EYS: variants seen among roughly 807,000 people sequenced by gnomAD.
EYS encodes the protein EGF-like photoreceptor maintenance factor.
In EYS, 250 loss-of-function variants were observed where a neutral mutation model predicts 282.1. That is an observed-to-expected ratio of 0.89 (90% CI 0.80 to 0.98). EYS has a LOEUF of 0.98. Ranked by LOEUF, EYS falls within the 50% of genes least tolerant of loss-of-function variation. The pLI is 0.00. For missense variants in EYS, 4,016 were observed against 3,709.0 expected, an observed-to-expected ratio of 1.08 and a Z score of -2.15; for synonymous variants, 1,355 against 1,282.9, an observed-to-expected ratio of 1.06 and a Z score of -1.20.
chr6:65,333,519 G>T (rs1419292584), intron 11 of EYS, among the ~76,000 whole-genome samples: 1 of 151,536 alleles, frequency 6.6e-6, no homozygotes. Flanking sequence ...CTGTTGTTGG[G>T]TAATGTGTTT....
At chr6:65,562,127 T>A (rs898479791) in intron 2 of EYS, among the ~76,000 whole-genome samples, 2 of 151,828 alleles carry the variant, frequency 1.3e-5, no homozygotes, top group Middle Eastern at 3.2e-3. Context: ...CAAGAAAAAA[T>A]TAGCCTACTA....
chr6:64,636,773 G>A (rs1767996132), intron 22 of EYS, among the ~76,000 whole-genome samples: 1 of 150,086 alleles, frequency 6.7e-6, no homozygotes, highest in Non-Finnish European at 1.5e-5. Flanking sequence ...TCAAAAAGTG[G>A]GCAAAGGATA....
At chr6:65,627,970 G>C (rs796272893) in intron 2 of EYS, among the ~76,000 whole-genome samples, 7 of 152,238 alleles carry the variant, frequency 4.6e-5, no homozygotes, top group South Asian at 2.1e-4. Context: ...CTGCAGCCCC[G>C]GTGCGGGATC....
At chr6:64,311,552 A>G (rs1769703115) in intron 29 of EYS, among the ~76,000 whole-genome samples, 1 of 152,226 alleles carries the variant, frequency 6.6e-6, no homozygotes, top group African/African-American at 2.4e-5. Flanking sequence ...CTAAGCATTA[A>G]TAATAAAAAC....
intron 11 of EYS, among the ~76,000 whole-genome samples, chr6:65,299,711 C>T (rs1232899570): frequency 6.6e-6 from 1 of 151,184 alleles, no homozygotes; most frequent in African/African-American, 2.4e-5. Flanking sequence ...CTCATCCTGC[C>T]ACCTATATAA....
intron 2 of EYS, among the ~76,000 whole-genome samples, chr6:65,538,269 A>C (rs1449549865): frequency 6.6e-6 from 1 of 152,180 alleles, no homozygotes; most frequent in Non-Finnish European, 1.5e-5. Context: ...GGAAATAATA[A>C]AGAATAATAA....
At chr6:64,154,828 G>T (rs554073142) in intron 31 of EYS, among the ~76,000 whole-genome samples, 9 of 152,088 alleles carry the variant, frequency 5.9e-5, no homozygotes, top group Admixed American at 2.0e-4. Flanking sequence ...TGAGGTGTGT[G>T]TTTTTTTCTT....
intron 39 of EYS, among the ~76,000 whole-genome samples, chr6:63,781,743 C>T (rs944155737): frequency 1.3e-5 from 2 of 152,152 alleles, no homozygotes; most frequent in Non-Finnish European, 2.9e-5. Context: ...CCCTTTCTTT[C>T]TTCCTCCTGC....
At chr6:64,968,421 G>T (rs975094535) in intron 14 of EYS, among the ~76,000 whole-genome samples, 3 of 152,028 alleles carry the variant, frequency 2.0e-5, no homozygotes, top group African/African-American at 7.2e-5. Flanking sequence ...ATATTTATAT[G>T]AGTTTCTTCA....
intron 2 of EYS, among the ~76,000 whole-genome samples, chr6:65,577,669 C>A (rs1182049233): frequency 6.6e-6 from 1 of 150,710 alleles, no homozygotes. Flanking sequence ...TATTAGTAAA[C>A]CATACATCTG....
At chr6:64,035,985 C>A (rs1183861267) in intron 33 of EYS, among the ~76,000 whole-genome samples, 1 of 152,132 alleles carries the variant, frequency 6.6e-6, no homozygotes, top group East Asian at 1.9e-4. Context: ...TGTGTTAGTA[C>A]TAAAGAGTAG....
chr6:65,237,451 G>T (rs532176003), intron 12 of EYS, among the ~76,000 whole-genome samples: 1 of 152,228 alleles, frequency 6.6e-6, no homozygotes, highest in Non-Finnish European at 1.5e-5. Flanking sequence ...ACTGATCTCA[G>T]ATATCTAAAA....
chr6:64,609,531 T>C (rs2149843503), intron 24 of EYS, among the ~76,000 whole-genome samples: 1 of 152,250 alleles, frequency 6.6e-6, no homozygotes, highest in African/African-American at 2.4e-5. Flanking sequence ...TACGGCAAAG[T>C]TGTAGGACTT....
At chr6:65,154,082 T>G (rs1474532788) in intron 12 of EYS, among the ~76,000 whole-genome samples, 1 of 151,818 alleles carries the variant, frequency 6.6e-6, no homozygotes, top group East Asian at 1.9e-4. Context: ...CTTAAATCCT[T>G]CACAATATTT....
In EYS at chr6:65,163,541, C is replaced by T. The variant is rs139387755; in HGVS notation, c.2024-105814G>A. The stretch of plus-strand genomic sequence containing the variant: ...GTGTACTAGATCAATGGTGAGGGGA[C>T]GAGCGGGTGGGTAAAGAAGTGAGTG... On this transcript the variant is annotated intron_variant, in intron 12 of 42. Transcript: ENST00000503581. Among the ~76,000 whole-genome samples, 806 of 150,998 alleles carry T rather than the reference C, an allele frequency of 5.3e-3. 10 individuals are homozygous for T. The highest frequency in any genetic ancestry group is 0.018 in the African/African-American group (762 of 41,264).
intron 22 of EYS, among the ~76,000 whole-genome samples, chr6:64,640,166 CCT>C (rs1768079364): frequency 6.8e-6 from 1 of 147,454 alleles, no homozygotes; most frequent in Admixed American, 6.9e-5. Flanking sequence ...TGTGGCGATT[CCT>C]CAGGGATCTA....
chr6:63,851,964 C>T (rs540538639), intron 36 of EYS, among the ~76,000 whole-genome samples: 28 of 151,834 alleles, frequency 1.8e-4, no homozygotes, highest in African/African-American at 6.3e-4. Flanking sequence ...GAGACCATCC[C>T]GGCTAAAACG....
chr6:63,810,954 A>T (rs1201204116), intron 36 of EYS, among the ~76,000 whole-genome samples: 1 of 152,190 alleles, frequency 6.6e-6, no homozygotes, highest in African/African-American at 2.4e-5. Context: ...TTTAATTTTT[A>T]TCCATATGCT....
At chr6:65,440,152 T>C (rs1768256402) in intron 5 of EYS, among the ~76,000 whole-genome samples, 1 of 152,030 alleles carries the variant, frequency 6.6e-6, no homozygotes, top group Admixed American at 6.6e-5. Flanking sequence ...GAGCTTAAAA[T>C]AAAGGTGAAG....
Sources: allele counts gnomAD v4.1 joint callset (sites outside exome capture counted in the v4.1 genomes callset), GRCh38; gene constraint gnomAD v4.1.1; transcripts MANE v1.5; gene names NCBI Gene and HGNC (gene_info 2026-07-23, HGNC 2026-07-21).